The following GFRA2 variants were observed in gnomAD, a reference collection of about 807,000 sequenced individuals.
The protein encoded by GFRA2 is GDNF family receptor alpha-2.
GFRA2 carries 17 observed loss-of-function variants against 48.3 expected under a neutral mutation model. The ratio of observed to expected loss-of-function variants is 0.35; its 90% confidence interval spans 0.24 to 0.53. The LOEUF (loss-of-function observed/expected upper bound fraction) is 0.53. GFRA2 is among the 20% of genes least tolerant of loss of function. The probability of loss-of-function intolerance (pLI) is 0.93; values close to 1 mark genes in which losing one functional copy is unlikely to be tolerated. For synonymous variants in GFRA2, 305 were observed against 257.2 expected, an observed-to-expected ratio of 1.19 and a Z score of -1.78; for missense variants, 660 against 637.3, an observed-to-expected ratio of 1.04 and a Z score of -0.38.
chr8:21,770,619 C>A (rs1158673393), intron 3 of GFRA2, among the ~76,000 whole-genome samples: 1 of 152,206 alleles, frequency 6.6e-6, no homozygotes, highest in Non-Finnish European at 1.5e-5. Flanking sequence ...GCCACACTTG[C>A]ACGGCATGGC....
intron 3 of GFRA2, 142 bp from the exon 4 acceptor site, chr8:21,751,084 G>A (rs1167056518): frequency 3.1e-6 from 2 of 648,576 alleles, no homozygotes; most frequent in Non-Finnish European, 5.4e-6. Context: ...TTTGCGAAAT[G>A]GGGATCACTT....
chr8:21,706,357 T>A (rs1802748568), intron 4 of GFRA2: 1 of 502,838 alleles, frequency 2.0e-6, no homozygotes, highest in Non-Finnish European at 3.9e-6. Flanking sequence ...TGGAGCCGGG[T>A]GGGTTTGTGG....
intron 2 of GFRA2, among the ~76,000 whole-genome samples, chr8:21,801,441 T>C (rs946264940): frequency 1.3e-5 from 2 of 152,096 alleles, no homozygotes; most frequent in Non-Finnish European, 2.9e-5. Flanking sequence ...GCCCTGCTGC[T>C]GTTAGCAAAG....
chr8:21,702,578 T>C (rs1240353174), intron 7 of GFRA2, among the ~76,000 whole-genome samples: 2 of 152,194 alleles, frequency 1.3e-5, no homozygotes. Flanking sequence ...TCAGACCCTA[T>C]AGCCTGCAAA....
In GFRA2 at chr8:21,701,795, G is replaced by A. The variant is rs562290021; in HGVS notation, c.1218+1010C>T. Reference sequence around the variant, plus strand: ...GGCTACAAGAAACCAAGCAACTGATGGCTCGGCAAACTGCAGAAGAAAAAG... The same window carrying A: ...GGCTACAAGAAACCAAGCAACTGATAGCTCGGCAAACTGCAGAAGAAAAAG... On this transcript the variant is annotated intron_variant, in intron 7 of 8. Transcript: ENST00000524240. 5.9e-5 allele frequency among the ~76,000 whole-genome samples: 9 copies of A among 152,284 alleles called. No individual in the cohort carries two copies. In the South Asian group the frequency reaches 6.2e-4, roughly 11 times the overall value.
intron 7 of GFRA2, among the ~76,000 whole-genome samples, chr8:21,696,344 T>A (rs187213596): frequency 6.6e-6 from 1 of 152,158 alleles, no homozygotes; most frequent in Admixed American, 6.5e-5. Context: ...TTTTGTATAT[T>A]GGAGTCTTAG....
intron 2 of GFRA2, among the ~76,000 whole-genome samples, chr8:21,797,247 C>A (rs1807692578): frequency 6.8e-6 from 1 of 147,018 alleles, no homozygotes. Context: ...ATAACGCGGA[C>A]AATTGAGTGG....
intron 4 of GFRA2, among the ~76,000 whole-genome samples, chr8:21,743,046 C>T (rs1310346768): frequency 6.6e-6 from 1 of 152,188 alleles, no homozygotes; most frequent in African/African-American, 2.4e-5. Flanking sequence ...AAAGTAATAT[C>T]CAGTATTCCA....
chr8:21,749,245 A>G (rs1805156997), intron 4 of GFRA2, among the ~76,000 whole-genome samples: 1 of 152,106 alleles, frequency 6.6e-6, no homozygotes, highest in African/African-American at 2.4e-5. Context: ...CCTGCAAAAA[A>G]AAAAAAAAAC....
chr8:21,753,518 T>C (rs1339499943), intron 3 of GFRA2, among the ~76,000 whole-genome samples: 1 of 151,604 alleles, frequency 6.6e-6, no homozygotes, highest in Non-Finnish European at 1.5e-5. Context: ...ACTGAGGCAG[T>C]AGAATCACTT....
At chr8:21,742,581 T>G (rs1047126571) in intron 4 of GFRA2, among the ~76,000 whole-genome samples, 1 of 152,150 alleles carries the variant, frequency 6.6e-6, no homozygotes, top group Non-Finnish European at 1.5e-5. Flanking sequence ...TCCATGCCAG[T>G]GAGTGAAAGC....
At chr8:21,745,476 T>G (rs1804959896) in intron 4 of GFRA2, among the ~76,000 whole-genome samples, 2 of 152,190 alleles carry the variant, frequency 1.3e-5, no homozygotes, top group South Asian at 2.1e-4. Context: ...CCGGCTTCAT[T>G]CATTAAAGTA....
intron 4 of GFRA2, among the ~76,000 whole-genome samples, chr8:21,709,648 G>A (rs1001999647): frequency 3.3e-5 from 5 of 152,152 alleles, no homozygotes; most frequent in Non-Finnish European, 7.3e-5. Context: ...ATCTCCCTTG[G>A]GGAGCACACT....
At chr8:21,703,175 T>C (rs534242213) in intron 6 of GFRA2, among the ~76,000 whole-genome samples, 198 bp from the exon 7 acceptor site, 6 of 151,888 alleles carry the variant, frequency 4.0e-5, no homozygotes, top group African/African-American at 1.4e-4. Context: ...CTACAGAATA[T>C]AGCAAGAGAG....
rs151067174 is a variant in GFRA2, at chr8:21,693,745, A to G, written c.1273-345T>C. Among the ~76,000 whole-genome samples, 9 of 4,130 alleles carry G rather than the reference A, an allele frequency of 2.2e-3. No individual in the cohort carries two copies. In the South Asian group the frequency reaches 0.051, roughly 23 times the overall value. The allele number at this position is 4,130 out of a possible 152,430, so 2.7% of individuals were successfully genotyped here. A position where few individuals can be genotyped will look rare whatever the true frequency, so the allele number is the denominator to read the frequency against. ...AGGCAGATGGTATAAAGAGCTGAAGAAGGAGGAGAGAAGAAGAAGGAGAGG... is the reference window on the plus strand; with the variant it reads ...AGGCAGATGGTATAAAGAGCTGAAGGAGGAGGAGAGAAGAAGAAGGAGAGG... On this transcript the variant is annotated intron_variant, in intron 8 of 8. Coordinates refer to ENST00000524240, the MANE Select transcript of GFRA2 (RefSeq NM_001495.5).
chr8:21,803,112 G>A (rs1222167471), intron 2 of GFRA2, among the ~76,000 whole-genome samples: 3 of 152,210 alleles, frequency 2.0e-5, no homozygotes, highest in Non-Finnish European at 2.9e-5. Flanking sequence ...CATGCAACAT[G>A]TTCAATGTAC....
chr8:21,776,463 G>A (rs1342390352), intron 2 of GFRA2, among the ~76,000 whole-genome samples: 1 of 140,052 alleles, frequency 7.1e-6, no homozygotes, highest in Non-Finnish European at 1.5e-5. Flanking sequence ...TCATCCAGAC[G>A]AGACTCTTTT....
chr8:21,784,481 G>A (rs1000488451), intron 1 of GFRA2, among the ~76,000 whole-genome samples: 16 of 150,892 alleles, frequency 1.1e-4, no homozygotes, highest in African/African-American at 3.2e-4. Flanking sequence ...GCCATCCCCC[G>A]GGAGGCCCTG....
intron 4 of GFRA2, among the ~76,000 whole-genome samples, chr8:21,712,899 C>G (rs1418386092): frequency 2.6e-5 from 4 of 152,042 alleles, no homozygotes. Flanking sequence ...CGCAGGCACT[C>G]GGCAGGCTGA....
Sources: allele counts gnomAD v4.1 joint callset (sites outside exome capture counted in the v4.1 genomes callset), GRCh38; gene constraint gnomAD v4.1.1; transcripts MANE v1.5; gene names NCBI Gene and HGNC (gene_info 2026-07-23, HGNC 2026-07-21).